The following IQCH variants were observed in gnomAD, a reference collection of about 807,000 sequenced individuals.
The protein encoded by IQCH is IQ domain-containing protein H.
A neutral mutation model predicts 117.0 loss-of-function variants in IQCH; 98 were observed. The observed-to-expected ratio is 0.84, with a 90% confidence interval of 0.71 to 0.99. The LOEUF (loss-of-function observed/expected upper bound fraction) is 0.99, where lower values mean the gene tolerates loss of function less well. Ranked by LOEUF, IQCH falls within the 50% of genes least tolerant of loss-of-function variation. The pLI, the probability that IQCH is intolerant of heterozygous loss-of-function variation, is 0.00. For synonymous variants in IQCH, 412 were observed against 448.2 expected (o/e 0.92, Z 1.02); for missense variants, 1,102 against 1,243.8 (o/e 0.89, Z 1.72).
Position 67,371,440 on chromosome 15 carries a change from A to T in IQCH, c.754-671A>T. 2.1e-6 allele frequency: 3 copies of T among 1,460,340 alleles called. No individual in the cohort carries two copies. In the South Asian group the frequency reaches 4.8e-5, roughly 23 times the overall value. The allele number at this position is 1,460,340 out of a possible 1,614,324, so 90.5% of individuals were successfully genotyped here. Reference sequence around the variant, plus strand: ...GTTTTGTTATCAGATTTGTGATCCTAATCCACCTGGGACAGCCCCAGATAT... The same window carrying T: ...GTTTTGTTATCAGATTTGTGATCCTTATCCACCTGGGACAGCCCCAGATAT... On this transcript the variant is annotated intron_variant, in intron 8 of 20. Transcript: ENST00000335894.
chr15:67,309,630 T>C (rs528789906), intron 4 of IQCH, among the ~76,000 whole-genome samples: 201 of 152,100 alleles, frequency 1.3e-3, no homozygotes, highest in Non-Finnish European at 2.3e-3. Context: ...AGGATTTACC[T>C]AGTGAAATGC....
Position 67,385,030 on chromosome 15 carries a change from T to C in IQCH, c.1456+11T>C. The C allele has an allele frequency of 6.6e-7, 1 of 1,514,342 alleles. No individual in the cohort carries two copies. Among genetic ancestry groups the C allele is most frequent in the Non-Finnish European group, 9.2e-7 (1 of 1,089,856 alleles). 93.8% of individuals were successfully genotyped at this position (1,514,342 alleles called of 1,614,324 possible). On this transcript the variant is annotated intron_variant, in intron 11 of 20. Transcript: ENST00000335894. The surrounding 1 kb of genome is among the most constrained non-coding windows in gnomAD (Gnocchi z 4.6). ...TGTGTGACATCTTAGGTACAGTAAATAGTTTTACACAAATGACTCTTTGGA... is the reference window on the plus strand; with the variant it reads ...TGTGTGACATCTTAGGTACAGTAAACAGTTTTACACAAATGACTCTTTGGA...
At chr15:67,334,379 T>C (rs991482030) in intron 4 of IQCH, among the ~76,000 whole-genome samples, 1 of 152,112 alleles carries the variant, frequency 6.6e-6, no homozygotes, top group East Asian at 1.9e-4. Flanking sequence ...ACCCTCCTTC[T>C]CATACCCATA....
At chr15:67,277,337 A>G (rs1966164262) in intron 3 of IQCH, among the ~76,000 whole-genome samples, 1 of 151,932 alleles carries the variant, frequency 6.6e-6, no homozygotes, top group African/African-American at 2.4e-5. Context: ...GTCTCTTCAG[A>G]CTGTTTTTTT....
intron 8 of IQCH, among the ~76,000 whole-genome samples, chr15:67,367,621 A>G (rs956941471): frequency 6.6e-6 from 1 of 152,150 alleles, no homozygotes; most frequent in Admixed American, 6.6e-5. Context: ...CTGATGTACA[A>G]GGTGGTAGAA....
rs193286083 is a variant in IQCH at position 67,412,556 on chromosome 15, G to A, written c.2098-4375G>A. On this transcript the variant is annotated intron_variant, in intron 14 of 20. Transcript: ENST00000335894. ...TGGGATTACAGGTGCCCACCACCAC[G>A]CCCGGCTAATTTTTGTATTTTTAGT... is the stretch of plus-strand genomic sequence containing the variant. Among the ~76,000 whole-genome samples the A allele has an allele frequency of 3.7e-3, 569 of 152,092 alleles. 3 individuals carry two copies. Among genetic ancestry groups the A allele is most frequent in the Middle Eastern group, 0.01 (3 of 294 alleles).
intron 20 of IQCH, among the ~76,000 whole-genome samples, chr15:67,499,200 G>T (rs1438502413): frequency 6.7e-6 from 1 of 149,524 alleles, no homozygotes; most frequent in African/African-American, 2.5e-5. Flanking sequence ...TCAGGAGGCT[G>T]AGTGGGGAGA....
In IQCH at chr15:67,369,609, A is replaced by G. The variant is rs1174739418; in HGVS notation, c.754-2502A>G. ...GAGGAAAAGAAAAAGAAGGAAAGAA[A>G]GAAGAAAGAAAGCCAACAAATAATA... On this transcript the variant is annotated intron_variant, in intron 8 of 20. Transcript: ENST00000335894. This position sits in a 1 kb window ranked among gnomAD's most constrained non-coding sequence, Gnocchi z 5.2. Among the ~76,000 whole-genome samples the G allele has an allele frequency of 2.6e-5, 4 of 152,126 alleles. No homozygotes were observed. Among genetic ancestry groups the G allele is most frequent in the Non-Finnish European group, 5.9e-5 (4 of 68,020 alleles).
intron 4 of IQCH, chr15:67,304,477 T>G (rs10438290): frequency 0.73 from 895,225 of 1,218,126 alleles, 331,078 homozygotes; most frequent in Middle Eastern, 0.78. Flanking sequence ...GTTGTTTTAA[T>G]GAGCTCTTAT....
At chr15:67,483,299 T>C (rs1031009219) in intron 18 of IQCH, among the ~76,000 whole-genome samples, 3 of 152,162 alleles carry the variant, frequency 2.0e-5, no homozygotes, top group Non-Finnish European at 2.9e-5. Flanking sequence ...GGTGGATCAC[T>C]TGAGGCCAGG....
At chr15:67,332,666 A>G (rs557249152) in intron 4 of IQCH, among the ~76,000 whole-genome samples, 23 of 152,362 alleles carry the variant, frequency 1.5e-4, no homozygotes, top group African/African-American at 5.5e-4. Context: ...TGGATGGTGC[A>G]AAAATTAAGA....
intron 17 of IQCH, among the ~76,000 whole-genome samples, chr15:67,468,901 A>G (rs2083001175): frequency 6.6e-6 from 1 of 152,232 alleles, no homozygotes; most frequent in African/African-American, 2.4e-5. Context: ...GTCAACTGAA[A>G]TGCATCACTG....
intron 4 of IQCH, among the ~76,000 whole-genome samples, chr15:67,284,489 T>C (rs1966484684): frequency 6.6e-6 from 1 of 152,164 alleles, no homozygotes; most frequent in African/African-American, 2.4e-5. Context: ...AGTTCAGGGG[T>C]ACATGTGCAG....
chr15:67,472,527 A>C lies in IQCH; in HGVS notation c.2677-3169A>C, dbSNP rs1047157157. On this transcript the variant is annotated intron_variant, in intron 17 of 20. Transcript: ENST00000335894. This position sits in a 1 kb window ranked among gnomAD's most constrained non-coding sequence, Gnocchi z 4.3. ...GGGAAAAAACAGCCTGGGAAGTTAC[A>C]TTTATTGTAGATCCAAAATCCTTTC... Among the ~76,000 whole-genome samples the C allele has an allele frequency of 2.0e-5, 3 of 152,228 alleles. No homozygotes were observed. The East Asian group carries it at 5.8e-4, about 29-fold the overall frequency.
chr15:67,276,581 C>T (rs1053139362), intron 3 of IQCH, among the ~76,000 whole-genome samples: 1 of 152,048 alleles, frequency 6.6e-6, no homozygotes, highest in African/African-American at 2.4e-5. Context: ...ATTTCCTCTT[C>T]ACTTTTGAAG....
intron 18 of IQCH, among the ~76,000 whole-genome samples, chr15:67,483,334 T>C (rs113756038): frequency 1.3e-5 from 2 of 152,186 alleles, no homozygotes; most frequent in African/African-American, 4.8e-5. Context: ...CTAACCAACA[T>C]AGCGAAACCC....
At chr15:67,301,342 C>G (rs1967018414) in intron 4 of IQCH, among the ~76,000 whole-genome samples, 1 of 144,534 alleles carries the variant, frequency 6.9e-6, no homozygotes. Flanking sequence ...GTTCGTAAGA[C>G]AAATTTAGGT....
rs2083808013 is a variant in IQCH, at chr15:67,496,298, G to T, written c.2970+1932G>T. Among the ~76,000 whole-genome samples, 1 of 152,066 alleles carries T rather than the reference G, an allele frequency of 6.6e-6. No homozygotes were observed. On this transcript the variant is annotated intron_variant, in intron 20 of 20. Coordinates refer to ENST00000335894, the MANE Select transcript of IQCH (RefSeq NM_001031715.3). This position sits in a 1 kb window ranked among gnomAD's most constrained non-coding sequence, Gnocchi z 4.4. Reference sequence around the variant, plus strand: ...TGGGAGTAAGAATAAAAAAAAGGAAGATAATGCAGAAAATGCATTTAACAA... The same window carrying T: ...TGGGAGTAAGAATAAAAAAAAGGAATATAATGCAGAAAATGCATTTAACAA...
chr15:67,316,327 A>G (rs1967844843), intron 4 of IQCH, among the ~76,000 whole-genome samples: 2 of 152,218 alleles, frequency 1.3e-5, no homozygotes, highest in African/African-American at 4.8e-5. Context: ...GGGTTAGTTT[A>G]ACATAACCAT....
Sources: gnomAD v4.1 joint callset for allele counts (sites outside exome capture counted in the v4.1 genomes callset) on GRCh38, gnomAD v4.1.1 for gene constraint, Gnocchi (gnomAD v3.1) non-coding constraint, MANE v1.5 for transcripts, NCBI Gene and HGNC (gene_info 2026-07-23, HGNC 2026-07-21) for gene names.